Variants in XPO4 observed in about 807,000 individuals in gnomAD.
The protein encoded by XPO4 is exportin 4, also known as exportin-4.
Under a neutral mutation model 143.0 loss-of-function variants are expected in XPO4, and 39 were observed. That is an observed-to-expected ratio of 0.27 (90% CI 0.21 to 0.36). The LOEUF (loss-of-function observed/expected upper bound fraction) is 0.36. Among genes scored for constraint, XPO4 ranks in the 10% least tolerant of loss-of-function variants. The pLI is 1.00. For synonymous variants in XPO4, 439 were observed against 474.0 expected (o/e 0.93, Z 0.96); for missense variants, 907 against 1,348.0 (o/e 0.67, Z 5.12).
At chr13:20,900,088 T>C (rs999713089) in intron 1 of XPO4, among the ~76,000 whole-genome samples, 3 of 152,140 alleles carry the variant, frequency 2.0e-5, no homozygotes, top group East Asian at 1.9e-4. Context: ...GCCTGTAAAA[T>C]GAAAACGAAA....
At chr13:20,790,923 T>C (rs1409135236) in intron 18 of XPO4, among the ~76,000 whole-genome samples, 1 of 152,164 alleles carries the variant, frequency 6.6e-6, no homozygotes, top group Non-Finnish European at 1.5e-5. Context: ...TAAAATCTAC[T>C]GGCATACTAG....
rs142017534 is a variant in XPO4, at chr13:20,857,368, T to C, written c.318-1603A>G. On this transcript the variant is annotated intron_variant, in intron 3 of 22. Coordinates refer to ENST00000255305, the MANE Select transcript of XPO4 (RefSeq NM_022459.5). ...ACTATATGCAAGAATTTATATGAAC[T>C]GGTTTCACAAATATTAACACATCTA... 2.6e-3 allele frequency among the ~76,000 whole-genome samples: 398 copies of C among 152,330 alleles called. 1 individual carries two copies. The highest frequency in any genetic ancestry group is 9.2e-3 in the African/African-American group (381 of 41,576).
chr13:20,796,182 T>G lies in XPO4; in HGVS notation c.2691A>C (p.Gln897His). 6.2e-7 allele frequency: 1 copy of G among 1,613,792 alleles called. No homozygotes were observed. Among genetic ancestry groups the G allele is most frequent in the South Asian group, 1.1e-5 (1 of 91,066 alleles). The change falls in exon 18 of 23, where the codon CAA becomes CAC. Residue 897 changes from glutamine (Q) to histidine (H), a missense_variant. Coordinates refer to ENST00000255305, the MANE Select transcript of XPO4 (RefSeq NM_022459.5). ...CTTCTTCTGCTGTAACATCTATTCT[T>G]TGCCGCCCTAAATTATTCTTAGAAT... ...QVYSKNNLGR[Q>H]RIDVTAEEEQ...
chr13:20,843,648 AAATCCTG>A, intron 5 of XPO4, 115 bp downstream of exon 5: 1 of 691,066 alleles, frequency 1.4e-6, no homozygotes, highest in Admixed American at 2.9e-5. Context: ...ATCACAAAAC[AAATCCTG>A]AAGTACAGGC....
In XPO4 at chr13:20,783,582, T is replaced by C; in HGVS notation, c.*140A>G. 1.2e-6 allele frequency: 1 copy of C among 805,214 alleles called. No individual in the cohort carries two copies. Among genetic ancestry groups the C allele is most frequent in the South Asian group, 1.7e-5 (1 of 60,590 alleles). 49.9% of individuals were successfully genotyped at this position (805,214 alleles called of 1,614,324 possible). On this transcript the variant is annotated 3_prime_UTR_variant, in exon 23 of 23. Transcript: ENST00000255305. ...GTTGACCTCTCCTGTTTCACTGTAT[T>C]ACATACATATCAAAGTTTCAGGCTC...
At chr13:20,854,263 A>C (rs1314560866) in intron 4 of XPO4, among the ~76,000 whole-genome samples, 1 of 152,216 alleles carries the variant, frequency 6.6e-6, no homozygotes. Context: ...GGTCCTAAGC[A>C]GAGTGGAGGC....
intron 21 of XPO4, 46 bp from the exon 22 acceptor site, chr13:20,787,103 T>G (rs768758794): frequency 6.9e-7 from 1 of 1,448,492 alleles, no homozygotes; most frequent in Non-Finnish European, 9.5e-7. Flanking sequence ...GATGATCATA[T>G]ATCCTCCAGT....
chr13:20,888,438 C>T (rs1245294831), intron 1 of XPO4, among the ~76,000 whole-genome samples: 1 of 152,190 alleles, frequency 6.6e-6, no homozygotes. Flanking sequence ...GCAACTTTGA[C>T]CTCCCAGACT....
At chr13:20,867,550 G>A in intron 2 of XPO4, among the ~76,000 whole-genome samples, 1 of 152,188 alleles carries the variant, frequency 6.6e-6, no homozygotes, top group East Asian at 1.9e-4. Context: ...CCAGGGAGGT[G>A]AACTGACTTC....
At chr13:20,795,137 T>C (rs1301825651) in intron 18 of XPO4, among the ~76,000 whole-genome samples, 1 of 152,106 alleles carries the variant, frequency 6.6e-6, no homozygotes, top group African/African-American at 2.4e-5. Context: ...AAGAGAATCT[T>C]ACAAGGAAGA....
chr13:20,808,796 G>C (rs1044095280), intron 11 of XPO4, among the ~76,000 whole-genome samples: 2 of 152,058 alleles, frequency 1.3e-5, no homozygotes, highest in East Asian at 3.9e-4. Context: ...AACAATCAAG[G>C]TTTACAACAG....
intron 7 of XPO4, among the ~76,000 whole-genome samples, chr13:20,822,859 T>C (rs1305844215): frequency 6.6e-6 from 1 of 152,224 alleles, no homozygotes; most frequent in Non-Finnish European, 1.5e-5. Flanking sequence ...ATCATTGCTA[T>C]TAATAAATGC....
In XPO4 at chr13:20,786,993, G is replaced by C. The variant is rs1595049372; in HGVS notation, c.3230C>G (p.Ala1077Gly). 1 of 1,559,700 alleles carries C rather than the reference G, an allele frequency of 6.4e-7. No homozygotes were observed. Among genetic ancestry groups the C allele is most frequent in the Non-Finnish European group, 8.7e-7 (1 of 1,150,240 alleles). ...NTEMTTAAGE[A>G]FYTLVCLHQA... ...GTGCAAACACACCAACGTGTAGAAA[G>C]CTTCGCCAGCCGCAGTGGTCATCTC... Residue 1077 changes from alanine to glycine, a missense_variant, in exon 22 of 23, where the codon GCT (alanine) becomes GGT (glycine). Transcript: ENST00000255305.
intron 4 of XPO4, among the ~76,000 whole-genome samples, chr13:20,846,347 T>C (rs2060028861): frequency 2.0e-5 from 3 of 152,136 alleles, no homozygotes; most frequent in African/African-American, 7.2e-5. Context: ...GAGAAACAAA[T>C]GAGTGAAGGA....
At chr13:20,881,453 G>T (rs1382369147) in intron 1 of XPO4, among the ~76,000 whole-genome samples, 1 of 151,924 alleles carries the variant, frequency 6.6e-6, no homozygotes, top group East Asian at 1.9e-4. Context: ...GGTATTTTTA[G>T]TAGAGACGGG....
intron 1 of XPO4, among the ~76,000 whole-genome samples, chr13:20,893,089 G>A (rs1028419558): frequency 1.3e-5 from 2 of 151,984 alleles, no homozygotes; most frequent in African/African-American, 4.8e-5. Context: ...AAGTGGGAAG[G>A]GTTGCAAAAA....
rs200860018 is a variant in XPO4 at position 20,822,538 on chromosome 13, T to C, written c.841-249A>G. On this transcript the variant is annotated intron_variant, in intron 7 of 22. Transcript: ENST00000255305. ...TTTGAAAATTGATCTGTCTCCAGCATGTTATGACAAAGAGAGAAACAGATG... is the reference window on the plus strand; with the variant it reads ...TTTGAAAATTGATCTGTCTCCAGCACGTTATGACAAAGAGAGAAACAGATG... Among the ~76,000 whole-genome samples, 14 of 152,384 alleles carry C rather than the reference T, an allele frequency of 9.2e-5. No individual in the cohort carries two copies. The East Asian group carries it at 2.7e-3, about 29-fold the overall frequency.
chr13:20,786,753 A>G (rs916781386), intron 22 of XPO4, among the ~76,000 whole-genome samples: 7 of 152,216 alleles, frequency 4.6e-5, no homozygotes, highest in Non-Finnish European at 1.0e-4. Flanking sequence ...GACAAAAAAT[A>G]AATGCTTTGA....
intron 6 of XPO4, among the ~76,000 whole-genome samples, chr13:20,836,934 T>C (rs965090188): frequency 6.6e-6 from 1 of 152,228 alleles, no homozygotes; most frequent in African/African-American, 2.4e-5. Flanking sequence ...TGTGGTCTTT[T>C]GTGAATGGCT....
Sources: allele counts gnomAD v4.1 joint callset (sites outside exome capture counted in the v4.1 genomes callset), GRCh38; gene constraint gnomAD v4.1.1; transcripts MANE v1.5; gene names NCBI Gene and HGNC (gene_info 2026-07-23, HGNC 2026-07-21).